The following ERCC2 variants were observed in gnomAD, a reference collection of about 807,000 sequenced individuals.
ERCC2 encodes general transcription and DNA repair factor IIH helicase subunit XPD.
ERCC2 carries 90 observed loss-of-function variants against 99.4 expected under a neutral mutation model. The observed-to-expected ratio is 0.91, with a 90% confidence interval of 0.76 to 1.08. The LOEUF is 1.08. Ranked by LOEUF, ERCC2 falls within the 50% of genes least tolerant of loss-of-function variation. The probability of loss-of-function intolerance (pLI) is 0.00; values close to 1 mark genes in which losing one functional copy is unlikely to be tolerated. For missense variants in ERCC2, 993 were observed against 1,038.1 expected, an observed-to-expected ratio of 0.96 and a Z score of 0.60; for synonymous variants, 497 against 432.4, an observed-to-expected ratio of 1.15 and a Z score of -1.85.
chr19:45,368,884 C>A (rs1453197010), intron 4 of ERCC2, 46 bp downstream of exon 4: 3 of 1,605,408 alleles, frequency 1.9e-6, no homozygotes, highest in Non-Finnish European at 1.7e-6. Context: ...ACCAATAGGG[C>A]CTAGGGAACA....
Position 45,364,299 on chromosome 19 carries a change from G to C in ERCC2, c.751C>G (p.Leu251Val). The change falls in exon 9 of 23, where the codon CTC (leucine) becomes GTC (valine). Residue 251 changes from leucine (L) to valine (V), a missense_variant. By Grantham distance (32) the Leu-to-Val change is conservative (BLOSUM62 1). Coordinates refer to ENST00000391945, the MANE Select transcript of ERCC2 (RefSeq NM_000400.4). ...NVCIDSMSVN[L>V]TRRTLDRCQG... Reference sequence around the variant, plus strand: ...CACCGGTCAAGGGTCCGGCGGGTGAGGTTGACGCTCATGGAGTCGATGCAG... The same window carrying C: ...CACCGGTCAAGGGTCCGGCGGGTGACGTTGACGCTCATGGAGTCGATGCAG... The C allele has an allele frequency of 6.2e-7, 1 of 1,614,064 alleles. No homozygotes were observed. Among genetic ancestry groups the C allele is most frequent in the East Asian group, 2.2e-5 (1 of 44,878 alleles).
chr19:45,357,523 G>T lies in ERCC2; in HGVS notation c.1328C>A (p.Ala443Asp), dbSNP rs1972053585. 6.2e-7 allele frequency: 1 copy of T among 1,614,194 alleles called. No homozygotes were observed. Among genetic ancestry groups the T allele is most frequent in the Non-Finnish European group, 8.5e-7 (1 of 1,180,024 alleles). Residue 443 changes from alanine (A) to aspartate (D), a missense_variant, in exon 14 of 23, where the codon GCC becomes GAC. Ala to Asp is a moderately radical substitution (Grantham distance 126). Coordinates refer to ENST00000391945, the MANE Select transcript of ERCC2 (RefSeq NM_000400.4). ...GAAACGCTCAAATACGGGTTTGATG[G>T]CCAGCGAGGCGTCCATGCAGCTGGA... is the stretch of plus-strand genomic sequence containing the variant. ...LHFSCMDASL[A>D]IKPVFERFQS... is the part of the protein sequence containing the mutation.
intron 5 of ERCC2, among the ~76,000 whole-genome samples, chr19:45,367,044 T>A (rs756101064): frequency 2.6e-5 from 4 of 151,194 alleles, no homozygotes; most frequent in Non-Finnish European, 5.9e-5. Context: ...TCAAAAATAA[T>A]AATAATAAAT....
Position 45,368,688 on chromosome 19 carries a change from T to G in ERCC2, c.302A>C (p.Lys101Thr), listed in dbSNP as rs201123342. ...CAGAGCCAGTCCCAGAAACGGCAGC[T>G]TCTCGCCCTCCTGCTTCTCATAGAA... is the stretch of plus-strand genomic sequence containing the variant. ...LNFYEKQEGE[K>T]LPFLGLALSS... The change falls in exon 5 of 23, where the codon AAG becomes ACG. Residue 101 changes from lysine to threonine, a missense_variant. Physicochemically the swap from Lys to Thr is moderately conservative, Grantham distance 78. This residue lies in a region of ERCC2 where 909 missense variants were observed against 930.8 expected (regional missense o/e 0.98). Coordinates refer to ENST00000391945, the MANE Select transcript of ERCC2 (RefSeq NM_000400.4). 10 of 1,614,188 alleles carry G rather than the reference T, an allele frequency of 6.2e-6. No homozygotes were observed. In the East Asian group the frequency reaches 2.2e-4, roughly 36 times the overall value.
intron 12 of ERCC2, 26 bp from the exon 13 acceptor site, chr19:45,357,725 G>A (rs1365132405): frequency 6.2e-7 from 1 of 1,600,772 alleles, no homozygotes; most frequent in Non-Finnish European, 8.5e-7. Flanking sequence ...AAGGAGGGGT[G>A]AGATTACCCC....
chr19:45,349,874 G>A lies in ERCC2; in HGVS notation c.*1755C>T, dbSNP rs1449045411. On this transcript the variant is annotated 3_prime_UTR_variant, in exon 23 of 23. Coordinates refer to ENST00000391945, the MANE Select transcript of ERCC2 (RefSeq NM_000400.4). Reference sequence around the variant, plus strand: ...ACATTTATTGAGCTCACTGTGGCCGGCTCCCCTCTTAGCCCGGTCCCCACA... The same window carrying A: ...ACATTTATTGAGCTCACTGTGGCCGACTCCCCTCTTAGCCCGGTCCCCACA... The A allele has an allele frequency of 4.1e-6, 2 of 488,376 alleles. No homozygotes were observed. Among genetic ancestry groups the A allele is most frequent in the Middle Eastern group, 5.3e-4 (1 of 1,872 alleles). 30.3% of individuals were successfully genotyped at this position (488,376 alleles called of 1,614,324 possible). A position where few individuals can be genotyped will look rare whatever the true frequency, so the allele number is the denominator to read the frequency against.
At chr19:45,360,871 G>A (rs1253469555) in intron 12 of ERCC2, among the ~76,000 whole-genome samples, 4 of 151,466 alleles carry the variant, frequency 2.6e-5, no homozygotes, top group South Asian at 2.2e-4. Flanking sequence ...GGTGGCTCAC[G>A]CCTGTAATCC....
chr19:45,365,608 C>A (rs1235288714), intron 5 of ERCC2, among the ~76,000 whole-genome samples: 2 of 151,190 alleles, frequency 1.3e-5, no homozygotes, highest in Non-Finnish European at 2.9e-5. Context: ...GAGACACCAT[C>A]TCAAAAAAAT....
chr19:45,363,114 A>C (rs780314675), intron 11 of ERCC2, among the ~76,000 whole-genome samples: 1 of 152,202 alleles, frequency 6.6e-6, no homozygotes, highest in Non-Finnish European at 1.5e-5. Context: ...AGTTCAAAGA[A>C]GACCCATGAC....
In ERCC2 at chr19:45,364,925, G is replaced by A. The variant is rs1972372819; in HGVS notation, c.507C>T (p.Pro169=). ...CCAGGTTGTAGATGCCAGCGGGGAG[G>A]GGCACCTCACGCCCATGGGCATCAA... ...EEFDAHGREV[P]LPAGIYNLDD... is the part of the protein sequence containing the mutation. Residue 169 remains proline (P), a synonymous_variant, in exon 7 of 23, where the codon CCC becomes CCT. Transcript: ENST00000391945. The A allele has an allele frequency of 2.5e-6, 4 of 1,613,980 alleles. No individual in the cohort carries two copies. The highest frequency in any genetic ancestry group is 2.5e-6 in the Non-Finnish European group (3 of 1,180,030).
rs747426864 is a variant in ERCC2 at position 45,351,409 on chromosome 19, T to G, written c.*220A>C. The G allele has an allele frequency of 6.3e-7, 1 of 1,598,876 alleles. No individual in the cohort carries two copies. On this transcript the variant is annotated 3_prime_UTR_variant, in exon 23 of 23. Coordinates refer to ENST00000391945, the MANE Select transcript of ERCC2 (RefSeq NM_000400.4). ...CTTCTTGGGAACAGTGCAGGAGGGA[T>G]GGGCTGGTGGGGTGAGAGGGGGTCT...
Position 45,353,084 on chromosome 19 carries a change from A to G in ERCC2, c.1830T>C (p.Phe610=). The change falls in exon 19 of 23, where the codon TTT becomes TTC. Residue 610 remains phenylalanine, a splice_region_variant and synonymous_variant. Coordinates refer to ENST00000391945, the MANE Select transcript of ERCC2 (RefSeq NM_000400.4). ...ARGKVSEGID[F]VHHYGRAVIM... ...GGAGGAAGAGCCCAGTCCACTCACC[A>G]AAGTCGATTCCCTCGGACACTTTGC... 1 of 1,612,730 alleles carries G rather than the reference A, an allele frequency of 6.2e-7. No individual in the cohort carries two copies. Among genetic ancestry groups the G allele is most frequent in the Non-Finnish European group, 8.5e-7 (1 of 1,179,672 alleles).
In ERCC2 at chr19:45,351,338, A is replaced by C. The variant is rs1244840977; in HGVS notation, c.*291T>G. On this transcript the variant is annotated 3_prime_UTR_variant, in exon 23 of 23. Coordinates refer to ENST00000391945, the MANE Select transcript of ERCC2 (RefSeq NM_000400.4). ...CCTCGGACCCTCAGCGCCAGCACCC[A>C]GGACCTGAGCCCCCACTAACGTCCA... 8 of 1,611,738 alleles carry C rather than the reference A, an allele frequency of 5.0e-6. No individual in the cohort carries two copies. In the Admixed American group the frequency reaches 1.3e-4, roughly 27 times the overall value.
In ERCC2 at chr19:45,355,648, C is replaced by T; in HGVS notation, c.1543+17G>A. On this transcript the variant is annotated intron_variant, in intron 16 of 22. Transcript: ENST00000391945. The stretch of plus-strand genomic sequence containing the variant: ...CCCTCTTGGAACCCACAGAAACCAG[C>T]CCCACTGGCAGCATACCAATATCCT... The T allele has an allele frequency of 6.2e-7, 1 of 1,612,036 alleles. No homozygotes were observed. The highest frequency in any genetic ancestry group is 1.7e-4 in the Middle Eastern group (1 of 6,058).
At chr19:45,352,962 G>GGCC in intron 19 of ERCC2, 121 bp downstream of exon 19, 1 of 1,220,156 alleles carries the variant, frequency 8.2e-7, no homozygotes, top group South Asian at 1.2e-5. Flanking sequence ...GGGAGGGGAG[G>GGCC]GCCCCTCTGT....
At chr19:45,355,845 G>A (rs1971994970) in intron 15 of ERCC2, 117 bp from the exon 16 acceptor site, 2 of 812,346 alleles carry the variant, frequency 2.5e-6, no homozygotes, top group Non-Finnish European at 4.1e-6. Context: ...AAGAGAGACA[G>A]GGTGTCACCA....
intron 5 of ERCC2, among the ~76,000 whole-genome samples, chr19:45,367,416 TAC>T (rs1234041546): frequency 6.6e-6 from 1 of 151,616 alleles, no homozygotes; most frequent in South Asian, 2.1e-4. Context: ...AAAACATATA[TAC>T]ACACACATAT....
In ERCC2 at chr19:45,365,046, T is replaced by C. The variant is rs375288194; in HGVS notation, c.473A>G (p.Tyr158Cys). ...TCAGCCCTGCCCTCCAGTAACCTCA[T>C]AGAATCGGCAGTGGGGCAGGCTGGT... Reference protein sequence around the residue: ...HDTSLPHCRFYEEFDAHGREV... With the variant: ...HDTSLPHCRFCEEFDAHGREV... The change falls in exon 6 of 23, where the codon TAT becomes TGT. Residue 158 changes from tyrosine to cysteine, a missense_variant. By Grantham distance (194) the Tyr-to-Cys change is radical. Around this residue, in one of 3 missense-constraint regions of ERCC2, gnomAD observed 909 missense variants for 930.8 expected, o/e 0.98. Transcript: ENST00000391945. 13 of 1,613,430 alleles carry C rather than the reference T, an allele frequency of 8.1e-6. No individual in the cohort carries two copies. Among genetic ancestry groups the C allele is most frequent in the South Asian group, 4.4e-5 (4 of 91,062 alleles).
chr19:45,352,613 G>C lies in ERCC2; in HGVS notation c.1939C>G (p.Arg647Gly). The C allele has an allele frequency of 6.2e-7, 1 of 1,613,964 alleles. No individual in the cohort carries two copies. ...LEYLRDQFQI[R>G]ENDFLTFDAM... ...TCGAAGGTAAGAAAGTCATTCTCAC[G>C]AATCTGGAACTGGTCCCGCAGGTAT... is the stretch of plus-strand genomic sequence containing the variant. Residue 647 changes from arginine to glycine, a missense_variant, in exon 21 of 23, where the codon CGT (arginine) becomes GGT (glycine). Around this residue, in one of 3 missense-constraint regions of ERCC2, gnomAD observed 909 missense variants for 930.8 expected, o/e 0.98. Coordinates refer to ENST00000391945, the MANE Select transcript of ERCC2 (RefSeq NM_000400.4).
Sources: gnomAD v4.1 joint callset for allele counts (sites outside exome capture counted in the v4.1 genomes callset) on GRCh38, gnomAD v4.1.1 for gene constraint, gnomAD v4.1.1 regional missense constraint, MANE v1.5 for transcripts, NCBI Gene and HGNC (gene_info 2026-07-23, HGNC 2026-07-21) for gene names.